SLC17A1: variants seen among roughly 807,000 people sequenced by gnomAD.
SLC17A1 encodes sodium-dependent phosphate transport protein 1.
SLC17A1 carries 51 observed loss-of-function variants against 53.5 expected under a neutral mutation model. The ratio of observed to expected loss-of-function variants is 0.95; its 90% confidence interval spans 0.76 to 1.20. The LOEUF is 1.20. SLC17A1 is among the 50% of genes most tolerant of loss of function. SLC17A1 has a pLI of 0.00. For missense variants in SLC17A1, 538 were observed against 568.2 expected (o/e 0.95, Z 0.54); for synonymous variants, 179 against 198.8 (o/e 0.90, Z 0.84).
At chr6:25,773,625 C>G in the SLC17A1 span, 1 of 1,613,860 alleles carries the variant, frequency 6.2e-7, no homozygotes, top group Admixed American at 1.7e-5. Flanking sequence ...ACCATTATGG[C>G]GTACACACCA....
At chr6:25,800,030 T>C (rs1406173226) in intron 11 of SLC17A1, among the ~76,000 whole-genome samples, 1 of 152,128 alleles carries the variant, frequency 6.6e-6, no homozygotes, top group African/African-American at 2.4e-5. Context: ...GTCCCAACTT[T>C]GGGATAAGGA....
At chr6:25,826,188 T>G (rs931126318) in intron 3 of SLC17A1, among the ~76,000 whole-genome samples, 3 of 152,136 alleles carry the variant, frequency 2.0e-5, no homozygotes, top group Non-Finnish European at 2.9e-5. Context: ...TCCCTTTTTT[T>G]CCTCTTGTCC....
intron 10 of SLC17A1, among the ~76,000 whole-genome samples, chr6:25,803,680 C>A (rs916510319): frequency 1.3e-5 from 2 of 151,922 alleles, no homozygotes; most frequent in Admixed American, 6.6e-5. Context: ...GTATCTGAAC[C>A]TCAGTTTCTT....
intron 12 of SLC17A1, among the ~76,000 whole-genome samples, chr6:25,788,759 GGCC>G (rs1561822214): frequency 6.6e-6 from 1 of 152,202 alleles, no homozygotes; most frequent in African/African-American, 2.4e-5. Flanking sequence ...GAGGGGTGTA[GGCC>G]TGGGAAAAGA....
At chr6:25,738,632 A>G in the SLC17A1 span, among the ~76,000 whole-genome samples, 1 of 152,198 alleles carries the variant, frequency 6.6e-6, no homozygotes, top group Non-Finnish European at 1.5e-5. Flanking sequence ...TGCAAACCAT[A>G]TATATGGTAA....
the SLC17A1 span, among the ~76,000 whole-genome samples, chr6:25,741,453 G>A: frequency 6.8e-6 from 1 of 146,010 alleles, no homozygotes; most frequent in Non-Finnish European, 1.5e-5. Context: ...AGCGGGTCAC[G>A]CCGGTAATCC....
the SLC17A1 span, chr6:25,768,291 C>G: frequency 1.2e-6 from 1 of 834,518 alleles, no homozygotes; most frequent in Non-Finnish European, 1.4e-6. Flanking sequence ...AAAATGGCAT[C>G]TTCATACCTT....
the SLC17A1 span, among the ~76,000 whole-genome samples, chr6:25,742,924 A>T: frequency 6.6e-6 from 1 of 152,266 alleles, no homozygotes; most frequent in East Asian, 1.9e-4. Flanking sequence ...TCCTGAAAAT[A>T]CAACTCCACA....
At chr6:25,809,662 G>A (rs576926995) in intron 10 of SLC17A1, among the ~76,000 whole-genome samples, 16 of 151,742 alleles carry the variant, frequency 1.1e-4, no homozygotes, top group African/African-American at 3.9e-4. Context: ...TGGATAGGAA[G>A]AATTAATGTT....
At chr6:25,777,977 A>G (rs1763076175), downstream of SLC17A1, 1 of 1,613,056 alleles carries the variant, frequency 6.2e-7, no homozygotes. Flanking sequence ...ACATAGCTGG[A>G]GCCATCTCTC....
At chr6:25,806,706 T>C (rs1763966615) in intron 10 of SLC17A1, among the ~76,000 whole-genome samples, 1 of 151,994 alleles carries the variant, frequency 6.6e-6, no homozygotes, top group Non-Finnish European at 1.5e-5. Context: ...AAAGATCCTG[T>C]ACAGCAAAAG....
chr6:25,746,280 CA>C, the SLC17A1 span, among the ~76,000 whole-genome samples: 21 of 152,172 alleles, frequency 1.4e-4, no homozygotes. Flanking sequence ...GATCCTTCGG[CA>C]GCTTATTTTC....
the SLC17A1 span, chr6:25,761,812 C>T: frequency 1.6e-6 from 1 of 608,742 alleles, no homozygotes; most frequent in Non-Finnish European, 2.8e-6. Flanking sequence ...TTTTCATAAA[C>T]CCTAATCTAC....
intron 10 of SLC17A1, among the ~76,000 whole-genome samples, chr6:25,804,503 C>G (rs1391609685): frequency 6.6e-6 from 1 of 152,008 alleles, no homozygotes; most frequent in Non-Finnish European, 1.5e-5. Context: ...AAGTAGGTAA[C>G]ATGATGACTG....
chr6:25,757,862 C>T, the SLC17A1 span, among the ~76,000 whole-genome samples: 1 of 152,218 alleles, frequency 6.6e-6, no homozygotes, highest in Non-Finnish European at 1.5e-5. Context: ...ACTAACTCAG[C>T]AGTTAGGGTT....
At chr6:25,769,819 T>C in the SLC17A1 span, among the ~76,000 whole-genome samples, 74 of 152,320 alleles carry the variant, frequency 4.9e-4, no homozygotes, top group African/African-American at 1.7e-3. Flanking sequence ...TGCTTTCTTC[T>C]TTATAGTCTT....
the SLC17A1 span, chr6:25,726,794 G>A: frequency 1.2e-3 from 1,647 of 1,331,200 alleles, 20 homozygotes; most frequent in Non-Finnish European, 1.9e-4. Flanking sequence ...TACTTGGCGA[G>A]ACTTGGAGCT....
downstream of SLC17A1, chr6:25,780,115 G>C (rs1763227196): frequency 6.6e-6 from 1 of 152,156 alleles, no homozygotes; most frequent in Admixed American, 6.5e-5. Context: ...CAAATGTCTG[G>C]AGAAATGTGT....
chr6:25,751,641 A>G, the SLC17A1 span, among the ~76,000 whole-genome samples: 1 of 152,216 alleles, frequency 6.6e-6, no homozygotes, highest in Non-Finnish European at 1.5e-5. Context: ...CCAAGACACG[A>G]TGGTCATGAA....
Sources: gnomAD v4.1 joint callset for allele counts (sites outside exome capture counted in the v4.1 genomes callset) on GRCh38, gnomAD v4.1.1 for gene constraint, MANE v1.5 for transcripts, NCBI Gene and HGNC (gene_info 2026-07-23, HGNC 2026-07-21) for gene names.